The following EFCAB8 variants were observed in gnomAD, a reference collection of about 807,000 sequenced individuals.
EFCAB8 encodes the protein EF-hand calcium binding domain 8.
EFCAB8 carries 100 observed loss-of-function variants against 116.3 expected under a neutral mutation model. That is an observed-to-expected ratio of 0.86 (90% CI 0.73 to 1.02). EFCAB8 has a LOEUF of 1.02. Ranked by LOEUF, EFCAB8 falls within the 50% of genes least tolerant of loss-of-function variation. The pLI is 0.00. For synonymous variants in EFCAB8, 558 were observed against 567.9 expected (o/e 0.98, Z 0.25); for missense variants, 1,320 against 1,416.9 (o/e 0.93, Z 1.10).
At chr20:32,913,341 C>A (rs1164717154) in intron 17 of EFCAB8, among the ~76,000 whole-genome samples, 1 of 152,114 alleles carries the variant, frequency 6.6e-6, no homozygotes, top group Non-Finnish European at 1.5e-5. Flanking sequence ...GTTAAGAAAT[C>A]TCTCTGGGGC....
chr20:32,888,047 C>T (rs1356966910), intron 6 of EFCAB8, among the ~76,000 whole-genome samples: 1 of 151,632 alleles, frequency 6.6e-6, no homozygotes, highest in African/African-American at 2.4e-5. Context: ...TGGCTATCCT[C>T]TCTACATATC....
chr20:32,941,258 TA>T lies in EFCAB8; in HGVS notation c.2791-2365del, dbSNP rs756522913. ...CAAGAGCAAAACTCCAAACTCTGTT[TA>T]AAAAAAAAAAAAGAAAAAGAACATA... On this transcript the variant is annotated intron_variant, in intron 22 of 26. Transcript: ENST00000400522. Among the ~76,000 whole-genome samples, 212 of 135,032 alleles carry T rather than the reference TA, an allele frequency of 1.6e-3. 1 individual carries two copies. The highest frequency in any genetic ancestry group is 3.6e-3 in the Middle Eastern group (1 of 276). The allele number at this position is 135,032 out of a possible 152,430, so 88.6% of individuals were successfully genotyped here.
intron 3 of EFCAB8, among the ~76,000 whole-genome samples, chr20:32,874,286 G>T (rs1984838033): frequency 6.6e-6 from 1 of 152,096 alleles, no homozygotes; most frequent in Admixed American, 6.6e-5. Flanking sequence ...ACAGTGGCAA[G>T]ATCATGGCCA....
chr20:32,893,204 T>C lies in EFCAB8; in HGVS notation c.789T>C (p.Tyr263=). The part of the protein sequence containing the change: ...WSDYHRGVFC[Y]GDAKGNVIVF... ...ACTATCACAGAGGTGTGTTCTGCTA[T>C]GGAGACGCCAAAGGCAACGTCATTG... The change falls in exon 9 of 27, where the codon TAT becomes TAC. Residue 263 remains tyrosine, a synonymous_variant. Transcript: ENST00000400522. The C allele has an allele frequency of 6.4e-7, 1 of 1,552,070 alleles. No individual in the cohort carries two copies. Among genetic ancestry groups the C allele is most frequent in the South Asian group, 1.2e-5 (1 of 84,068 alleles).
At chr20:32,920,407 C>T (rs967723793) in intron 20 of EFCAB8, among the ~76,000 whole-genome samples, 192 bp downstream of exon 20, 2 of 152,042 alleles carry the variant, frequency 1.3e-5, no homozygotes, top group Admixed American at 6.6e-5. Flanking sequence ...GGGAGAGCTC[C>T]TGTATTAATT....
chr20:32,911,174 ATG>A (rs1986900677), intron 15 of EFCAB8, among the ~76,000 whole-genome samples: 2 of 152,130 alleles, frequency 1.3e-5, no homozygotes, highest in Non-Finnish European at 2.9e-5. Flanking sequence ...CGGGGTGGTC[ATG>A]ATTAATGTTG....
In EFCAB8 at chr20:32,908,271, C is replaced by G; in HGVS notation, c.1309-4C>G. The stretch of plus-strand genomic sequence containing the variant: ...CAGCGTCTTGCCTTTTTCCCATCCC[C>G]CAGAATATTCGCGTGTGGGACATGC... On this transcript the variant is annotated splice_polypyrimidine_tract_variant and splice_region_variant and intron_variant, in intron 13 of 26. Coordinates refer to ENST00000400522, the MANE Select transcript of EFCAB8 (RefSeq NM_001143967.2). 8.0e-7 allele frequency: 1 copy of G among 1,249,898 alleles called. No homozygotes were observed. Among genetic ancestry groups the G allele is most frequent in the Non-Finnish European group, 1.0e-6 (1 of 988,260 alleles). 77.4% of individuals were successfully genotyped at this position (1,249,898 alleles called of 1,614,324 possible).
intron 20 of EFCAB8, among the ~76,000 whole-genome samples, chr20:32,920,543 C>G (rs1160452853): frequency 6.6e-6 from 1 of 152,128 alleles, no homozygotes; most frequent in Non-Finnish European, 1.5e-5. Context: ...GTGCTTCTTA[C>G]ATGGCAGCAG....
At chr20:32,957,956 A>G (rs1989024655) in intron 23 of EFCAB8, among the ~76,000 whole-genome samples, 1 of 152,042 alleles carries the variant, frequency 6.6e-6, no homozygotes, top group Non-Finnish European at 1.5e-5. Context: ...CAGCAGGAGA[A>G]TGGCCTACTA....
intron 23 of EFCAB8, among the ~76,000 whole-genome samples, chr20:32,948,572 G>GAAAGAAAGA (rs1568947157): frequency 4.3e-5 from 6 of 139,634 alleles, no homozygotes; most frequent in African/African-American, 1.7e-4. Context: ...AAGAAAGAAA[G>GAAAGAAAGA]AAAGAAAGAA....
At chr20:32,939,545 A>G (rs1378802277) in intron 22 of EFCAB8, among the ~76,000 whole-genome samples, 3 of 146,966 alleles carry the variant, frequency 2.0e-5, no homozygotes, top group African/African-American at 5.1e-5. Context: ...GGCCTCTCAA[A>G]GTGCTTGGAT....
chr20:32,913,410 C>T (rs917107898), intron 17 of EFCAB8, among the ~76,000 whole-genome samples: 3 of 152,170 alleles, frequency 2.0e-5, no homozygotes, highest in African/African-American at 7.2e-5. Flanking sequence ...ACCTCATCGC[C>T]TCCCAAGGCC....
intron 23 of EFCAB8, among the ~76,000 whole-genome samples, chr20:32,955,122 G>A (rs1344594196): frequency 6.6e-6 from 1 of 152,164 alleles, no homozygotes; most frequent in Non-Finnish European, 1.5e-5. Context: ...AGATAGAGCT[G>A]TATGATTTTG....
At chr20:32,916,430 A>AT (rs967402988) in intron 17 of EFCAB8, among the ~76,000 whole-genome samples, 4 of 151,444 alleles carry the variant, frequency 2.6e-5, no homozygotes, top group South Asian at 2.1e-4. Flanking sequence ...GCTAATTAAA[A>AT]TTTTTTTTTG....
chr20:32,858,984 T>A lies in EFCAB8; in HGVS notation c.-33T>A, dbSNP rs1568891127. The stretch of plus-strand genomic sequence containing the variant: ...GCCAGACTTTGCCAGCAAGATTAAC[T>A]GAGGAGATCAAATTGAGTCAGGGTG... On this transcript the variant is annotated 5_prime_UTR_variant, in exon 1 of 27. Coordinates refer to ENST00000400522, the MANE Select transcript of EFCAB8 (RefSeq NM_001143967.2). 2.1e-6 allele frequency: 1 copy of A among 471,026 alleles called. No individual in the cohort carries two copies. 29.2% of individuals were successfully genotyped at this position (471,026 alleles called of 1,614,324 possible).
chr20:32,959,687 G>C lies in EFCAB8; in HGVS notation c.3090-91G>C, dbSNP rs571313789. The C allele has an allele frequency of 4.8e-5, 45 of 938,516 alleles. No individual in the cohort carries two copies. In the South Asian group the frequency reaches 7.6e-4, roughly 16 times the overall value. The allele number at this position is 938,516 out of a possible 1,614,324, so 58.1% of individuals were successfully genotyped here. Reference sequence around the variant, plus strand: ...GGGATGGAAGATTGGAAAGGATCAGGCCAGGAAGGGGAGAGGCTTTCAGGG... The same window carrying C: ...GGGATGGAAGATTGGAAAGGATCAGCCCAGGAAGGGGAGAGGCTTTCAGGG... On this transcript the variant is annotated intron_variant, in intron 24 of 26. Transcript: ENST00000400522.
chr20:32,896,664 C>T (rs532678069), intron 10 of EFCAB8, 137 bp downstream of exon 10: 29 of 622,694 alleles, frequency 4.7e-5, no homozygotes, highest in South Asian at 2.9e-4. Context: ...AAACAGGTTG[C>T]GGCAGCTGTT....
chr20:32,893,854 G>C (rs1056875581), intron 9 of EFCAB8, among the ~76,000 whole-genome samples: 2 of 152,124 alleles, frequency 1.3e-5, no homozygotes, highest in Admixed American at 6.5e-5. Flanking sequence ...CGCCCCTACT[G>C]TCAGGAGGGA....
intron 5 of EFCAB8, 111 bp from the exon 6 acceptor site, chr20:32,885,394 C>T (rs559209346): frequency 1.4e-5 from 20 of 1,426,438 alleles, no homozygotes; most frequent in African/African-American, 2.9e-5. Context: ...GTGTGCGTGA[C>T]GCTCCGCCGG....
Sources: gnomAD v4.1 joint callset for allele counts (sites outside exome capture counted in the v4.1 genomes callset) on GRCh38, gnomAD v4.1.1 for gene constraint, MANE v1.5 for transcripts, NCBI Gene and HGNC (gene_info 2026-07-23, HGNC 2026-07-21) for gene names.